RSPRY1: variants seen among roughly 807,000 people sequenced by gnomAD.
The protein encoded by RSPRY1 is RING finger and SPRY domain-containing protein 1.
In RSPRY1, 23 loss-of-function variants were observed where a neutral mutation model predicts 73.1. The observed-to-expected ratio is 0.31, with a 90% CI of 0.23 to 0.45. RSPRY1 has a LOEUF of 0.45. RSPRY1 is among the 20% of genes least tolerant of loss of function. RSPRY1 has a pLI of 1.00. For missense variants in RSPRY1, 448 were observed against 698.7 expected (o/e 0.64, Z 4.05); for synonymous variants, 226 against 251.4 (o/e 0.90, Z 0.95).
intron 1 of RSPRY1, among the ~76,000 whole-genome samples, chr16:57,187,395 G>C (rs1398045196): frequency 6.6e-6 from 1 of 152,214 alleles, no homozygotes; most frequent in Non-Finnish European, 1.5e-5. Context: ...GAGAGAGGTT[G>C]CTCCCCCTGG....
At chr16:57,236,841 A>T (rs1026085328) in intron 14 of RSPRY1, among the ~76,000 whole-genome samples, 6 of 151,850 alleles carry the variant, frequency 4.0e-5, no homozygotes, top group East Asian at 3.9e-4. Flanking sequence ...TGGCAGGGGG[A>T]GTTATCTTAG....
chr16:57,217,075 T>C (rs781320029), intron 8 of RSPRY1, 40 bp downstream of exon 8: 1 of 1,611,536 alleles, frequency 6.2e-7, no homozygotes, highest in Non-Finnish European at 8.5e-7. Flanking sequence ...TCCGTTTCCA[T>C]TTCCAGACTC....
chr16:57,231,049 T>A, intron 12 of RSPRY1, 118 bp from the exon 13 acceptor site: 1 of 932,732 alleles, frequency 1.1e-6, no homozygotes, highest in Non-Finnish European at 1.6e-6. Context: ...AGTCTGTCAC[T>A]CTTCCTTTCT....
At chr16:57,198,514 ACAGG>A (rs1333283938) in intron 1 of RSPRY1, among the ~76,000 whole-genome samples, 1 of 152,238 alleles carries the variant, frequency 6.6e-6, no homozygotes, top group African/African-American at 2.4e-5. Context: ...TTCTTTCCTC[ACAGG>A]CACCCCCAAG....
intron 4 of RSPRY1, among the ~76,000 whole-genome samples, chr16:57,210,459 T>C (rs751564701): frequency 3.9e-5 from 6 of 152,004 alleles, no homozygotes; most frequent in Non-Finnish European, 7.4e-5. Context: ...TCCTAGCACT[T>C]TGGGAGGCTG....
At chr16:57,206,891 C>G (rs2146257610) in intron 2 of RSPRY1, among the ~76,000 whole-genome samples, 1 of 152,302 alleles carries the variant, frequency 6.6e-6, no homozygotes, top group Admixed American at 6.5e-5. Context: ...AAGAGAGTGA[C>G]ATAGTTATAC....
At chr16:57,211,013 G>T (rs2074832638) in intron 4 of RSPRY1, among the ~76,000 whole-genome samples, 1 of 152,174 alleles carries the variant, frequency 6.6e-6, no homozygotes, top group Admixed American at 6.5e-5. Flanking sequence ...AGAAGTATTT[G>T]TATCTCAGGT....
intron 9 of RSPRY1, 109 bp from the exon 10 acceptor site, chr16:57,221,163 C>A: frequency 7.5e-7 from 1 of 1,337,022 alleles, no homozygotes; most frequent in Non-Finnish European, 1.0e-6. Context: ...AGCAATAGTC[C>A]ACCAGAAGTT....
intron 1 of RSPRY1, among the ~76,000 whole-genome samples, chr16:57,201,494 G>T (rs540844522): frequency 1.4e-3 from 212 of 150,760 alleles, no homozygotes; most frequent in Middle Eastern, 3.4e-3. Flanking sequence ...AGGCAGAGAG[G>T]CTCCTCACAT....
chr16:57,196,166 G>A (rs1333334382), intron 1 of RSPRY1, among the ~76,000 whole-genome samples: 6 of 151,118 alleles, frequency 4.0e-5, no homozygotes, highest in African/African-American at 1.2e-4. Flanking sequence ...GGTTCATTTT[G>A]ATGCTTCGTA....
At chr16:57,232,823 G>A (rs1422785586) in intron 13 of RSPRY1, among the ~76,000 whole-genome samples, 2 of 152,156 alleles carry the variant, frequency 1.3e-5, no homozygotes, top group African/African-American at 2.4e-5. Context: ...GTCTTGTCTT[G>A]AATAAGAACA....
At chr16:57,226,764 T>C (rs1399924890) in intron 10 of RSPRY1, among the ~76,000 whole-genome samples, 2 of 152,240 alleles carry the variant, frequency 1.3e-5, no homozygotes, top group Non-Finnish European at 2.9e-5. Context: ...CTGTATCTTG[T>C]GCTGACCTCC....
intron 3 of RSPRY1, among the ~76,000 whole-genome samples, chr16:57,208,561 AG>A (rs1190274697): frequency 1.3e-5 from 2 of 151,348 alleles, no homozygotes; most frequent in Non-Finnish European, 2.9e-5. Context: ...CACAATACCC[AG>A]CAATTTTTCT....
chr16:57,205,886 G>T (rs896140769), intron 2 of RSPRY1, among the ~76,000 whole-genome samples: 6 of 152,142 alleles, frequency 3.9e-5, no homozygotes, highest in South Asian at 4.1e-4. Context: ...CTCAGTAGAT[G>T]GTAGTATTTT....
chr16:57,207,985 C>G, intron 2 of RSPRY1, 73 bp from the exon 3 acceptor site: 1 of 910,148 alleles, frequency 1.1e-6, no homozygotes, highest in South Asian at 1.4e-5. Flanking sequence ...CTCCACACCT[C>G]CAGTTTGAAT....
chr16:57,232,404 G>A (rs2075237600), intron 13 of RSPRY1, among the ~76,000 whole-genome samples: 1 of 152,204 alleles, frequency 6.6e-6, no homozygotes, highest in African/African-American at 2.4e-5. Flanking sequence ...GGTTGCATAT[G>A]TTCCCGCTCA....
intron 1 of RSPRY1, among the ~76,000 whole-genome samples, chr16:57,198,595 C>T (rs1391694962): frequency 6.6e-6 from 1 of 152,086 alleles, no homozygotes; most frequent in African/African-American, 2.4e-5. Flanking sequence ...TTTATAGGCT[C>T]CCCTATTCTT....
At position 57,239,009 on chromosome 16, in the gene RSPRY1, C is replaced by A; in HGVS notation, c.*34C>A. On this transcript the variant is annotated 3_prime_UTR_variant, in exon 15 of 15. Transcript: ENST00000394420. ...AAGAGGCATCGTGGACTTTTTTCTACTCAATTCCAGCCAATGTTGAAAAGA... is the reference window on the plus strand; with the variant it reads ...AAGAGGCATCGTGGACTTTTTTCTAATCAATTCCAGCCAATGTTGAAAAGA... The A allele has an allele frequency of 8.5e-7, 1 of 1,171,148 alleles. No individual in the cohort carries two copies. Among genetic ancestry groups the A allele is most frequent in the Non-Finnish European group, 1.3e-6 (1 of 799,434 alleles). 72.5% of individuals were successfully genotyped at this position (1,171,148 alleles called of 1,614,324 possible).
At chr16:57,230,162 C>T (rs767933362) in intron 11 of RSPRY1, among the ~76,000 whole-genome samples, 2 of 151,616 alleles carry the variant, frequency 1.3e-5, no homozygotes, top group East Asian at 3.9e-4. Flanking sequence ...AGGTGCCCAC[C>T]ACCACACCCA....
Sources: gnomAD v4.1 joint callset for allele counts (sites outside exome capture counted in the v4.1 genomes callset) on GRCh38, gnomAD v4.1.1 for gene constraint, MANE v1.5 for transcripts, NCBI Gene and HGNC (gene_info 2026-07-23, HGNC 2026-07-21) for gene names.